SSH2: variants seen among roughly 807,000 people sequenced by gnomAD.
SSH2 encodes the protein protein phosphatase Slingshot homolog 2.
Under a neutral mutation model 135.2 loss-of-function variants are expected in SSH2, and 37 were observed. The observed-to-expected ratio is 0.27, with a 90% CI of 0.21 to 0.36. The LOEUF (loss-of-function observed/expected upper bound fraction) is 0.36, where lower values mean the gene tolerates loss of function less well. Ranked by LOEUF, SSH2 falls within the 10% of genes least tolerant of loss-of-function variation. The pLI is 1.00. For missense variants in SSH2, 1,408 were observed against 1,765.3 expected, an observed-to-expected ratio of 0.80 and a Z score of 3.63; for synonymous variants, 628 against 646.2, an observed-to-expected ratio of 0.97 and a Z score of 0.43.
intron 1 of SSH2, among the ~76,000 whole-genome samples, chr17:29,891,426 T>G (rs2066347781): frequency 6.6e-6 from 1 of 151,730 alleles, no homozygotes; most frequent in African/African-American, 2.4e-5. Flanking sequence ...AGCCTTCACT[T>G]CTAAATAAAT....
intron 3 of SSH2, among the ~76,000 whole-genome samples, chr17:29,707,820 C>T (rs569550998): frequency 2.0e-5 from 3 of 152,158 alleles, no homozygotes; most frequent in African/African-American, 7.2e-5. Context: ...GCCACCATGC[C>T]CAACCCGAGA....
chr17:29,866,172 C>G (rs1407730311), intron 1 of SSH2: 1 of 149,876 alleles, frequency 6.7e-6, no homozygotes, highest in African/African-American at 2.4e-5. Context: ...GAATTTGAAA[C>G]CAGTTTAGAA....
intron 2 of SSH2, among the ~76,000 whole-genome samples, chr17:29,817,319 A>G (rs1191264788): frequency 6.6e-6 from 1 of 152,196 alleles, no homozygotes; most frequent in Non-Finnish European, 1.5e-5. Flanking sequence ...CACAAGCCTC[A>G]TGAAGTTCTC....
At chr17:29,921,663 GC>G (rs1404447242) in intron 1 of SSH2, among the ~76,000 whole-genome samples, 2 of 151,824 alleles carry the variant, frequency 1.3e-5, no homozygotes, top group East Asian at 3.9e-4. Flanking sequence ...TGCAACCTCT[GC>G]CTCCCGGGTT....
At chr17:29,904,680 G>T (rs2066621575) in intron 1 of SSH2, among the ~76,000 whole-genome samples, 1 of 152,104 alleles carries the variant, frequency 6.6e-6, no homozygotes, top group Non-Finnish European at 1.5e-5. Flanking sequence ...GAAATAACAG[G>T]TATTCAAATA....
chr17:29,718,732 CAAAA>C (rs752148237), intron 3 of SSH2, among the ~76,000 whole-genome samples: 14 of 77,334 alleles, frequency 1.8e-4, no homozygotes, highest in South Asian at 4.1e-4. Context: ...GATTTCACCT[CAAAA>C]AAAAAAAAAA....
chr17:29,640,059 A>G (rs564629904), intron 14 of SSH2, among the ~76,000 whole-genome samples: 1 of 151,690 alleles, frequency 6.6e-6, no homozygotes, highest in African/African-American at 2.4e-5. Flanking sequence ...GATCCCAAGA[A>G]TCCTCCAAAG....
intron 5 of SSH2, among the ~76,000 whole-genome samples, chr17:29,688,839 G>A (rs2151088049): frequency 6.6e-6 from 1 of 152,180 alleles, no homozygotes; most frequent in East Asian, 1.9e-4. Context: ...AAATGTGAGG[G>A]GATAAACCCA....
intron 1 of SSH2, among the ~76,000 whole-genome samples, chr17:29,921,271 T>G (rs1413367585): frequency 6.6e-6 from 1 of 152,150 alleles, no homozygotes; most frequent in African/African-American, 2.4e-5. Flanking sequence ...TTAAGCAACA[T>G]GAGGCACAAA....
chr17:29,740,936 T>A (rs1339032761), intron 3 of SSH2, among the ~76,000 whole-genome samples: 2 of 152,194 alleles, frequency 1.3e-5, no homozygotes, highest in Non-Finnish European at 2.9e-5. Context: ...AAACTGACAA[T>A]GTGGGGAACA....
chr17:29,888,350 T>C (rs970702338), intron 1 of SSH2, among the ~76,000 whole-genome samples: 1 of 152,308 alleles, frequency 6.6e-6, no homozygotes, highest in East Asian at 1.9e-4. Context: ...AGTCTAAGAC[T>C]GAGGAATCTT....
At chr17:29,684,392 G>A (rs534899314) in intron 6 of SSH2, among the ~76,000 whole-genome samples, 171 bp downstream of exon 6, 20 of 151,388 alleles carry the variant, frequency 1.3e-4, no homozygotes, top group Non-Finnish European at 2.5e-4. Context: ...CAGGAGAATC[G>A]CTTGAACCCG....
At chr17:29,848,087 G>A (rs546164728) in intron 2 of SSH2, among the ~76,000 whole-genome samples, 38 of 152,256 alleles carry the variant, frequency 2.5e-4, no homozygotes, top group South Asian at 2.1e-4. Flanking sequence ...GTGAAACTAA[G>A]AACCCTCCTG....
chr17:29,897,985 C>T (rs1182343363), intron 1 of SSH2, among the ~76,000 whole-genome samples: 3 of 152,050 alleles, frequency 2.0e-5, no homozygotes, highest in Non-Finnish European at 2.9e-5. Context: ...CACTCAAAAC[C>T]GCTCAACTAC....
chr17:29,790,620 T>C (rs1027975672), intron 3 of SSH2, among the ~76,000 whole-genome samples: 1 of 152,346 alleles, frequency 6.6e-6, no homozygotes, highest in Admixed American at 6.5e-5. Flanking sequence ...TAGTGTCTTT[T>C]GATGCACAGA....
In SSH2 at chr17:29,848,850, T is replaced by C. The variant is rs753408724; in HGVS notation, c.143A>G (p.Asn48Ser). The change falls in exon 2 of 16, where the codon AAT (asparagine) becomes AGT (serine). Residue 48 changes from asparagine (N) to serine (S), a missense_variant and splice_region_variant. By Grantham distance (46) the Asn-to-Ser change is conservative. Coordinates refer to ENST00000540801, the MANE Select transcript of SSH2 (RefSeq NM_001282129.2). ...CEESEIFTDSNEADSGEEECR... is the reference protein window; with the variant it reads ...CEESEIFTDSSEADSGEEECR... ...GTATAAAAACATATACCTACGTACA[T>C]TGGAATCAGTAAAGATTTCTGATTC... The C allele has an allele frequency of 1.9e-5, 29 of 1,525,044 alleles. No homozygotes were observed. Among genetic ancestry groups the C allele is most frequent in the East Asian group, 9.8e-5 (4 of 40,854 alleles). The allele number at this position is 1,525,044 out of a possible 1,614,324, so 94.5% of individuals were successfully genotyped here.
At chr17:29,920,149 C>T (rs1031867442) in intron 1 of SSH2, among the ~76,000 whole-genome samples, 1 of 152,216 alleles carries the variant, frequency 6.6e-6, no homozygotes, top group Non-Finnish European at 1.5e-5. Flanking sequence ...TATCTGCCCA[C>T]CTCAGCCTCC....
At chr17:29,691,635 CA>C (rs2038480284) in intron 5 of SSH2, among the ~76,000 whole-genome samples, 1 of 151,914 alleles carries the variant, frequency 6.6e-6, no homozygotes, top group Middle Eastern at 3.4e-3. Flanking sequence ...GGACTACAGG[CA>C]CCTGCCACCA....
Position 29,793,908 on chromosome 17 carries a change from C to T in SSH2, c.174G>A (p.Arg58=). The change falls in exon 3 of 16, where the codon CGG becomes CGA. Residue 58 remains arginine (R), a synonymous_variant. Coordinates refer to ENST00000540801, the MANE Select transcript of SSH2 (RefSeq NM_001282129.2). ...NEADSGEEEC[R]SQPRSISESF... is the part of the protein sequence containing the mutation. The stretch of plus-strand genomic sequence containing the variant: ...AACAAACATACCTCCTGGGCTGTGA[C>T]CGGCATTCTTCCTCCCCACTGTCTG... 1 of 1,613,532 alleles carries T rather than the reference C, an allele frequency of 6.2e-7. No homozygotes were observed. The highest frequency in any genetic ancestry group is 8.5e-7 in the Non-Finnish European group (1 of 1,179,606).
Sources: gnomAD v4.1 joint callset for allele counts (sites outside exome capture counted in the v4.1 genomes callset) on GRCh38, gnomAD v4.1.1 for gene constraint, MANE v1.5 for transcripts, NCBI Gene and HGNC (gene_info 2026-07-23, HGNC 2026-07-21) for gene names.